The following CABIN1 variants were observed in gnomAD, a reference collection of about 807,000 sequenced individuals.
CABIN1 encodes calcineurin binding protein 1, also known as calcineurin-binding protein cabin-1.
CABIN1 carries 133 observed loss-of-function variants against 227.7 expected under a neutral mutation model. The observed-to-expected ratio is 0.58, with a 90% CI of 0.51 to 0.67. The LOEUF is 0.67. Among genes scored for constraint, CABIN1 ranks in the 30% least tolerant of loss-of-function variants. CABIN1 has a pLI of 0.00. For synonymous variants in CABIN1, 1,086 were observed against 1,155.1 expected, an observed-to-expected ratio of 0.94 and a Z score of 1.21; for missense variants, 2,408 against 2,852.5, an observed-to-expected ratio of 0.84 and a Z score of 3.55.
At chr22:24,048,074 A>G (rs1359093458) in intron 6 of CABIN1, among the ~76,000 whole-genome samples, 1 of 152,258 alleles carries the variant, frequency 6.6e-6, no homozygotes, top group Non-Finnish European at 1.5e-5. Flanking sequence ...GAGTTGGCAC[A>G]GGCTTTCCAG....
intron 34 of CABIN1, among the ~76,000 whole-genome samples, chr22:24,174,292 G>C (rs966130644): frequency 6.6e-6 from 1 of 150,760 alleles, no homozygotes; most frequent in African/African-American, 2.4e-5. Context: ...CTACGCCTGG[G>C]TAATTTTTGT....
At position 24,177,733 on chromosome 22, in the gene CABIN1, C is replaced by T; in HGVS notation, c.6435C>T (p.Pro2145=). The change falls in exon 36 of 37, where the codon CCC becomes CCT. Residue 2145 remains proline, a synonymous_variant. Transcript: ENST00000263119. The surrounding 1 kb of genome is among the most constrained non-coding windows in gnomAD (Gnocchi z 4.4). ...LVIPSAATKF[P]PEITVTPPTP... is the part of the protein sequence containing the mutation. ...TCCCCTCCGCCGCCACCAAGTTCCC[C>T]CCTGAGATCACCGTCACGCCACCCA... is the stretch of plus-strand genomic sequence containing the variant. 6.2e-7 allele frequency: 1 copy of T among 1,612,668 alleles called. No individual in the cohort carries two copies. Among genetic ancestry groups the T allele is most frequent in the Non-Finnish European group, 8.5e-7 (1 of 1,178,982 alleles).
Position 24,061,995 on chromosome 22 carries a change from T to C in CABIN1, c.1666T>C (p.Trp556Arg). 6.2e-7 allele frequency: 1 copy of C among 1,614,090 alleles called. No individual in the cohort carries two copies. The highest frequency in any genetic ancestry group is 8.5e-7 in the Non-Finnish European group (1 of 1,180,002). Reference protein sequence around the residue: ...LSCMELQLDQWLLTKGRSSAV... With the variant: ...LSCMELQLDQRLLTKGRSSAV... ...CTGCATGGAACTCCAGCTGGACCAGTGGCTGCTGACCAAAGGCAGAAGCTC... is the reference window on the plus strand; with the variant it reads ...CTGCATGGAACTCCAGCTGGACCAGCGGCTGCTGACCAAAGGCAGAAGCTC... The change falls in exon 13 of 37, where the codon TGG (tryptophan) becomes CGG (arginine). Residue 556 changes from tryptophan to arginine, a missense_variant. By Grantham distance (101) the Trp-to-Arg change is moderately radical. Around this residue, in one of 3 missense-constraint regions of CABIN1, gnomAD observed 1,045 missense variants for 1,168.4 expected, o/e 0.89. Coordinates refer to ENST00000263119, the MANE Select transcript of CABIN1 (RefSeq NM_012295.4).
In CABIN1 at chr22:24,084,590, A is replaced by G; in HGVS notation, c.2922A>G (p.Ile974Met). The G allele has an allele frequency of 6.2e-7, 1 of 1,613,862 alleles. No individual in the cohort carries two copies. ...EEHSAQQVDL[I>M]WEDALFMFEY... ...GTCTTTTTTTCAAGGTGGATCTTAT[A>G]TGGGAGGATGCACTGTTCATGTTTG... The change falls in exon 21 of 37, where the codon ATA (isoleucine) becomes ATG (methionine). Residue 974 changes from isoleucine to methionine, a missense_variant. Ile to Met is a conservative substitution (Grantham distance 10). Around this residue, in one of 3 missense-constraint regions of CABIN1, gnomAD observed 649 missense variants for 910.3 expected, o/e 0.71. Coordinates refer to ENST00000263119, the MANE Select transcript of CABIN1 (RefSeq NM_012295.4).
intron 29 of CABIN1, among the ~76,000 whole-genome samples, chr22:24,136,363 T>C (rs2044396465): frequency 2.1e-5 from 3 of 144,482 alleles, no homozygotes. Flanking sequence ...TTTTTTTTTT[T>C]TTTTTTTGAG....
chr22:24,024,968 A>G (rs565924191), intron 1 of CABIN1, among the ~76,000 whole-genome samples: 1 of 152,226 alleles, frequency 6.6e-6, no homozygotes, highest in Non-Finnish European at 1.5e-5. Flanking sequence ...TATTTAGGAC[A>G]GTTAATATTT....
At chr22:24,132,808 G>A (rs961892688) in intron 28 of CABIN1, among the ~76,000 whole-genome samples, 5 of 152,108 alleles carry the variant, frequency 3.3e-5, no homozygotes, top group Non-Finnish European at 7.4e-5. Flanking sequence ...GGCTGGTCTC[G>A]AACTCCCGAT....
chr22:24,123,890 C>T (rs1422042405), intron 28 of CABIN1, among the ~76,000 whole-genome samples: 1 of 152,224 alleles, frequency 6.6e-6, no homozygotes, highest in Non-Finnish European at 1.5e-5. Flanking sequence ...CTGGAGCATC[C>T]GATGTCTGCC....
intron 24 of CABIN1, among the ~76,000 whole-genome samples, chr22:24,092,469 A>G (rs1490332349): frequency 2.0e-5 from 3 of 152,176 alleles, no homozygotes; most frequent in Non-Finnish European, 2.9e-5. Flanking sequence ...TTTTGTAGGC[A>G]GGAAAACCAA....
intron 27 of CABIN1, among the ~76,000 whole-genome samples, chr22:24,117,828 C>A (rs2043176045): frequency 6.6e-6 from 1 of 152,242 alleles, no homozygotes. Context: ...TCTGTCTCCC[C>A]CGTGCCTAGC....
intron 25 of CABIN1, among the ~76,000 whole-genome samples, chr22:24,096,320 C>G (rs1486935870): frequency 6.6e-6 from 1 of 152,120 alleles, no homozygotes; most frequent in African/African-American, 2.4e-5. Context: ...GTGGTGCTAC[C>G]CCACCCTAAG....
At chr22:24,143,988 G>T (rs1683774599) in intron 29 of CABIN1, among the ~76,000 whole-genome samples, 1 of 152,202 alleles carries the variant, frequency 6.6e-6, no homozygotes, top group African/African-American at 2.4e-5. Flanking sequence ...CTGCCAAAGG[G>T]ATGCTTGTCA....
chr22:24,156,046 C>A (rs1314405255), intron 29 of CABIN1: 2 of 485,800 alleles, frequency 4.1e-6, no homozygotes, highest in Non-Finnish European at 3.6e-6. Flanking sequence ...GCCCTAGCTC[C>A]ACTGCACAGA....
intron 13 of CABIN1, 71 bp from the exon 14 acceptor site, chr22:24,062,888 C>G: frequency 1.3e-6 from 2 of 1,507,446 alleles, no homozygotes; most frequent in Non-Finnish European, 1.8e-6. Context: ...GGGCCAAGTG[C>G]AACTTCTGAG....
chr22:24,070,894 AG>A lies in CABIN1; in HGVS notation c.2329del (p.Ala777LeufsTer11). On this transcript the variant is annotated frameshift_variant, in exon 17 of 37. Coordinates refer to ENST00000263119, the MANE Select transcript of CABIN1 (RefSeq NM_012295.4). LOFTEE classifies it high-confidence loss of function. ...GTCCAGCAGATGGTGAACTCAGGTG[AG>A]GCTGCCGCCAAGGAGGAGTGGGTGG... The part of the protein sequence containing the change: ...EAVQQMVNSG[E>X]AAAKEEWVAT... 1.2e-6 allele frequency: 2 copies of A among 1,614,212 alleles called. No individual in the cohort carries two copies. Among genetic ancestry groups the A allele is most frequent in the Non-Finnish European group, 8.5e-7 (1 of 1,180,038 alleles).
At chr22:24,121,401 G>C (rs1235740424) in intron 28 of CABIN1, among the ~76,000 whole-genome samples, 1 of 152,222 alleles carries the variant, frequency 6.6e-6, no homozygotes, top group African/African-American at 2.4e-5. Flanking sequence ...GAGGGAGGGA[G>C]TCTCATCATC....
chr22:24,152,045 G>T (rs939146623), intron 29 of CABIN1, among the ~76,000 whole-genome samples: 2 of 152,190 alleles, frequency 1.3e-5, no homozygotes, highest in Admixed American at 1.3e-4. Context: ...CTTCAGTAGG[G>T]CACTGGTAGC....
At chr22:24,012,321 A>AT (rs531563141) in intron 1 of CABIN1, among the ~76,000 whole-genome samples, 36 of 152,106 alleles carry the variant, frequency 2.4e-4, no homozygotes, top group Non-Finnish European at 4.6e-4. Flanking sequence ...ACGTGTCATG[A>AT]TTTTTTTTCC....
At chr22:24,096,146 T>A in intron 25 of CABIN1, 64 bp downstream of exon 25, 1 of 1,559,774 alleles carries the variant, frequency 6.4e-7, no homozygotes, top group Non-Finnish European at 8.8e-7. Context: ...ATGGCTCGTT[T>A]ACTGCAATGT....
Sources: gnomAD v4.1 joint callset for allele counts (sites outside exome capture counted in the v4.1 genomes callset) on GRCh38, gnomAD v4.1.1 for gene constraint, gnomAD v4.1.1 regional missense constraint, Gnocchi (gnomAD v3.1) non-coding constraint, MANE v1.5 for transcripts, NCBI Gene and HGNC (gene_info 2026-07-23, HGNC 2026-07-21) for gene names.